The following VPS13A variants were observed in gnomAD, a reference collection of about 807,000 sequenced individuals.
The protein encoded by VPS13A is intermembrane lipid transfer protein VPS13A.
Under a neutral mutation model 390.9 loss-of-function variants are expected in VPS13A, and 264 were observed. The ratio of observed to expected loss-of-function variants is 0.68; its 90% CI spans 0.61 to 0.75. The LOEUF (loss-of-function observed/expected upper bound fraction) is 0.75, where lower values mean the gene tolerates loss of function less well. VPS13A is among the 30% of genes least tolerant of loss of function. The pLI is 0.00. For synonymous variants in VPS13A, 1,231 were observed against 1,227.1 expected (o/e 1.00, Z -0.07); for missense variants, 3,409 against 3,733.9 (o/e 0.91, Z 2.27).
intron 67 of VPS13A, among the ~76,000 whole-genome samples, chr9:77,379,212 A>C (rs1833291009): frequency 6.7e-6 from 1 of 149,552 alleles, no homozygotes; most frequent in Non-Finnish European, 1.5e-5. Flanking sequence ...AGCTGGGATT[A>C]CAGGCACACA....
intron 31 of VPS13A, 81 bp downstream of exon 31, chr9:77,283,731 A>G: frequency 1.7e-6 from 2 of 1,168,380 alleles, no homozygotes; most frequent in South Asian, 1.4e-5. Flanking sequence ...TCATTTGGAC[A>G]TTTGTCAGAA....
At chr9:77,217,923 A>T (rs747208168) in intron 10 of VPS13A, among the ~76,000 whole-genome samples, 1 of 151,882 alleles carries the variant, frequency 6.6e-6, no homozygotes, top group African/African-American at 2.4e-5. Flanking sequence ...ACTGATTTAC[A>T]TTCCCACCAA....
At chr9:77,208,558 C>T (rs1402118695) in intron 5 of VPS13A, among the ~76,000 whole-genome samples, 3 of 150,730 alleles carry the variant, frequency 2.0e-5, no homozygotes, top group African/African-American at 4.9e-5. Flanking sequence ...CTTGGTTTTT[C>T]TTTTTTTTTG....
intron 68 of VPS13A, among the ~76,000 whole-genome samples, chr9:77,385,530 A>G (rs1160086702): frequency 2.0e-5 from 3 of 152,088 alleles, no homozygotes; most frequent in Admixed American, 1.3e-4. Context: ...AAAATGTTAC[A>G]TATATCTCTG....
intron 23 of VPS13A, among the ~76,000 whole-genome samples, chr9:77,272,782 G>A (rs778323930): frequency 1.6e-4 from 24 of 152,080 alleles, no homozygotes; most frequent in Non-Finnish European, 5.9e-5. Flanking sequence ...ATGTTTTATT[G>A]CTTGGCTGGG....
chr9:77,373,334 T>C (rs199573733), intron 67 of VPS13A, among the ~76,000 whole-genome samples: 11,732 of 144,800 alleles, frequency 0.081, 620 homozygotes, highest in East Asian at 0.12. Context: ...TAACGCCGCA[T>C]ATCTACAACT....
chr9:77,303,245 T>C (rs1828486963), intron 34 of VPS13A, among the ~76,000 whole-genome samples, 183 bp downstream of exon 34: 2 of 152,182 alleles, frequency 1.3e-5, no homozygotes, highest in Admixed American at 1.3e-4. Flanking sequence ...TTAACAAATA[T>C]TACTGGAGAT....
At chr9:77,299,199 T>C (rs1828193013) in intron 33 of VPS13A, among the ~76,000 whole-genome samples, 1 of 152,186 alleles carries the variant, frequency 6.6e-6, no homozygotes, top group Admixed American at 6.6e-5. Flanking sequence ...GTGTGATGCC[T>C]CCAGCTTTGT....
chr9:77,405,765 A>G, intron 69 of VPS13A, 99 bp from the exon 70 acceptor site: 1 of 1,448,778 alleles, frequency 6.9e-7, no homozygotes, highest in Middle Eastern at 1.8e-4. Flanking sequence ...ATGTTGATGA[A>G]TATTGCATTT....
intron 31 of VPS13A, among the ~76,000 whole-genome samples, chr9:77,286,014 CAG>C (rs1040729488): frequency 1.4e-4 from 22 of 152,240 alleles, no homozygotes; most frequent in African/African-American, 5.1e-4. Context: ...ATTTAAATCT[CAG>C]GGCACAGTGA....
rs17339117 is a variant in VPS13A at position 77,316,072 on chromosome 9, T to C, written c.4631-102T>C. The C allele has an allele frequency of 0.087, 54,312 of 624,294 alleles. 2,590 individuals are homozygous for C. The highest frequency in any genetic ancestry group is 0.16 in the East Asian group (3,072 of 19,392). 38.7% of individuals were successfully genotyped at this position (624,294 alleles called of 1,614,324 possible). On this transcript the variant is annotated intron_variant, in intron 38 of 71. Coordinates refer to ENST00000360280, the MANE Select transcript of VPS13A (RefSeq NM_033305.3). ...GATTCCTTTGGGATCTAAGATTCTT[T>C]TGTTTTACTTTTTACTATTATTTCA...
intron 31 of VPS13A, 80 bp from the exon 32 acceptor site, chr9:77,293,261 A>G: frequency 7.7e-7 from 1 of 1,300,412 alleles, no homozygotes; most frequent in Admixed American, 1.8e-5. Flanking sequence ...ATGTTTTGTT[A>G]TTTTTTACTG....
At chr9:77,301,696 G>A (rs1045752260) in intron 33 of VPS13A, among the ~76,000 whole-genome samples, 7 of 152,172 alleles carry the variant, frequency 4.6e-5, no homozygotes, top group Non-Finnish European at 8.8e-5. Context: ...GTTACTTGAA[G>A]GGGTTCAATT....
chr9:77,267,410 AAC>A (rs1355075986), intron 23 of VPS13A, among the ~76,000 whole-genome samples: 3 of 152,142 alleles, frequency 2.0e-5, no homozygotes, highest in Admixed American at 6.5e-5. Flanking sequence ...TTTTCCTTCT[AAC>A]AGTCAGACCC....
chr9:77,260,495 A>G (rs1209191687), intron 23 of VPS13A, among the ~76,000 whole-genome samples: 3 of 151,082 alleles, frequency 2.0e-5, no homozygotes, highest in Non-Finnish European at 4.4e-5. Context: ...ATCTGGGACT[A>G]CAGGCGCCCG....
chr9:77,339,324 ATC>A (rs929824026), intron 47 of VPS13A, 190 bp from the exon 48 acceptor site: 99 of 593,994 alleles, frequency 1.7e-4, no homozygotes, highest in African/African-American at 1.5e-3. Flanking sequence ...AGTAGCTCAA[ATC>A]TCAGATTAAA....
intron 17 of VPS13A, among the ~76,000 whole-genome samples, chr9:77,231,243 G>A (rs1395753960): frequency 1.3e-5 from 2 of 151,952 alleles, no homozygotes; most frequent in South Asian, 2.1e-4. Context: ...TAATTGCCCC[G>A]GCTAGAACCT....
intron 52 of VPS13A, 83 bp from the exon 53 acceptor site, chr9:77,351,234 T>A: frequency 6.5e-7 from 1 of 1,542,474 alleles, no homozygotes; most frequent in South Asian, 1.1e-5. Context: ...GAACTAAGAA[T>A]TAATGAAGTA....
intron 1 of VPS13A, among the ~76,000 whole-genome samples, chr9:77,188,866 T>G (rs1442698139): frequency 2.0e-5 from 3 of 152,066 alleles, no homozygotes. Context: ...CTCTAATGAT[T>G]AGTGATGTTG....
Sources: allele counts gnomAD v4.1 joint callset (sites outside exome capture counted in the v4.1 genomes callset), GRCh38; gene constraint gnomAD v4.1.1; transcripts MANE v1.5; gene names NCBI Gene and HGNC (gene_info 2026-07-23, HGNC 2026-07-21).